Variants in KANSL1 observed in about 807,000 individuals in gnomAD.
KANSL1 encodes the protein MLL1/MLL complex subunit KANSL1.
KANSL1 carries 22 observed loss-of-function variants against 103.6 expected under a neutral mutation model. That is an observed-to-expected ratio of 0.21 (90% CI 0.15 to 0.30). KANSL1 has a LOEUF of 0.30. Among genes scored for constraint, KANSL1 ranks in the 10% least tolerant of loss-of-function variants. KANSL1 has a pLI of 1.00. For missense variants in KANSL1, 1,337 were observed against 1,399.8 expected, an observed-to-expected ratio of 0.96 and a Z score of 0.72; for synonymous variants, 600 against 527.6, an observed-to-expected ratio of 1.14 and a Z score of -1.88.
intron 2 of KANSL1, among the ~76,000 whole-genome samples, chr17:46,162,482 C>G (rs979742138): frequency 1.3e-5 from 2 of 152,252 alleles, no homozygotes; most frequent in African/African-American, 4.8e-5. Context: ...CCTACCTCAT[C>G]TGCTCCTTCT....
rs184009865 is a variant in KANSL1, at chr17:46,099,749, C to T, written c.1290-5048G>A. Reference sequence around the variant, plus strand: ...ATTTTACCGTGTGCTTTATCCTAGTCCATACAAAAACATGTACTATATATA... The same window carrying T: ...ATTTTACCGTGTGCTTTATCCTAGTTCATACAAAAACATGTACTATATATA... On this transcript the variant is annotated intron_variant, in intron 2 of 14. Transcript: ENST00000432791. Among the ~76,000 whole-genome samples, 18 of 152,286 alleles carry T rather than the reference C, an allele frequency of 1.2e-4. No individual in the cohort carries two copies. The East Asian group carries it at 3.3e-3, about 28-fold the overall frequency.
intron 6 of KANSL1, among the ~76,000 whole-genome samples, chr17:46,059,647 A>AGAGAGAGAGGGAG (rs149985527): frequency 1.6e-4 from 9 of 54,834 alleles, no homozygotes; most frequent in Non-Finnish European, 2.3e-4. Flanking sequence ...AAAAAAAAAA[A>AGAGAGAGAGGGAG]AGAGAGAGAG....
At chr17:46,038,232 T>G in intron 10 of KANSL1, 1 of 350,330 alleles carries the variant, frequency 2.9e-6, no homozygotes, top group East Asian at 5.0e-5. Context: ...TGTGTGAAAC[T>G]TAGTCCAACA....
At chr17:46,054,291 T>C (rs2077837269) in intron 6 of KANSL1, among the ~76,000 whole-genome samples, 1 of 152,182 alleles carries the variant, frequency 6.6e-6, no homozygotes, top group Non-Finnish European at 1.5e-5. Context: ...TGACCTCAGA[T>C]GATCCACCCG....
chr17:46,210,480 A>C (rs1452174761), intron 1 of KANSL1, among the ~76,000 whole-genome samples: 2 of 534 alleles, frequency 3.7e-3, no homozygotes, highest in East Asian at 0.5. Context: ...CTCAAAAAAA[A>C]AAAAAAAAAA....
At position 46,078,547 on chromosome 17, in the gene KANSL1, C is replaced by A. The variant is rs200582115; in HGVS notation, c.1533+3894G>T. On this transcript the variant is annotated intron_variant, in intron 4 of 14. Coordinates refer to ENST00000432791, the MANE Select transcript of KANSL1 (RefSeq NM_015443.4). ...CCTACTTGGCAGCCCTGAACTCCAT[C>A]CTCTGATAATATACAAACAAGCCCA... Among the ~76,000 whole-genome samples the A allele has an allele frequency of 1.5e-4, 23 of 149,214 alleles. No individual in the cohort carries two copies. In the East Asian group the frequency reaches 4.4e-3, roughly 29 times the overall value.
At chr17:46,119,603 G>A (rs373595757) in intron 2 of KANSL1, among the ~76,000 whole-genome samples, 1 of 152,252 alleles carries the variant, frequency 6.6e-6, no homozygotes, top group East Asian at 1.9e-4. Flanking sequence ...CACCACACCC[G>A]GCCCAGAGTC....
intron 2 of KANSL1, among the ~76,000 whole-genome samples, chr17:46,147,595 AAG>A (rs1424546947): frequency 6.7e-6 from 1 of 149,548 alleles, no homozygotes; most frequent in East Asian, 1.9e-4. Context: ...AAAAAAAAAA[AAG>A]AGAGCGAGAG....
At chr17:46,057,888 T>C (rs1354387395) in intron 6 of KANSL1, among the ~76,000 whole-genome samples, 6 of 152,316 alleles carry the variant, frequency 3.9e-5, no homozygotes, top group Admixed American at 2.6e-4. Flanking sequence ...AGCAGAGTAA[T>C]AGTGATCAGA....
chr17:46,219,459 C>T (rs1239802793), intron 1 of KANSL1, among the ~76,000 whole-genome samples: 2 of 152,202 alleles, frequency 1.3e-5, no homozygotes, highest in East Asian at 3.9e-4. Flanking sequence ...ACCTCCCAGG[C>T]TCGAGCCATC....
chr17:46,076,495 CAAAAA>C (rs36086421), intron 4 of KANSL1, among the ~76,000 whole-genome samples: 1 of 79,500 alleles, frequency 1.3e-5, no homozygotes, highest in Non-Finnish European at 2.4e-5. Flanking sequence ...GACTTCATCT[CAAAAA>C]AAAAAAAAAA....
chr17:46,200,038 T>TACACACACACACACACACACAC (rs143234563), intron 1 of KANSL1, among the ~76,000 whole-genome samples: 13 of 147,372 alleles, frequency 8.8e-5, no homozygotes, highest in African/African-American at 2.1e-4. Context: ...TCAATGAGTT[T>TACACACACACACACACACACAC]ACACACACAC....
In KANSL1 at chr17:46,171,677, C is replaced by A; in HGVS notation, c.467G>T (p.Gly156Val). Residue 156 changes from glycine (G) to valine (V), a missense_variant, in exon 2 of 15, where the codon GGG becomes GTG. By Grantham distance (109) the Gly-to-Val change is moderately radical. Around this residue, in one of 2 missense-constraint regions of KANSL1, gnomAD observed 557 missense variants for 476.4 expected, o/e 1.17. Coordinates refer to ENST00000432791, the MANE Select transcript of KANSL1 (RefSeq NM_015443.4). ...QTALPQAPVNGLAKKLTKSST... is the reference protein window; with the variant it reads ...QTALPQAPVNVLAKKLTKSST... ...ACTTTTAGTCAATTTCTTAGCCAAC[C>A]CATTTACAGGTGCTTGTGGCAGAGC... The A allele has an allele frequency of 1.3e-6, 2 of 1,552,564 alleles. No individual in the cohort carries two copies. The highest frequency in any genetic ancestry group is 1.7e-6 in the Non-Finnish European group (2 of 1,153,956).
intron 2 of KANSL1, among the ~76,000 whole-genome samples, chr17:46,153,920 T>A (rs956268478): frequency 1.3e-5 from 2 of 152,208 alleles, no homozygotes; most frequent in African/African-American, 4.8e-5. Context: ...GATGCCTCGA[T>A]ATGTAAGGGC....
chr17:46,044,836 A>G (rs939915252), intron 7 of KANSL1: 2 of 152,228 alleles, frequency 1.3e-5, no homozygotes, highest in African/African-American at 4.8e-5. Flanking sequence ...GTTGGTTGTT[A>G]TTCTAACAAA....
chr17:46,063,131 T>C (rs553569611), intron 6 of KANSL1, among the ~76,000 whole-genome samples: 1 of 152,346 alleles, frequency 6.6e-6, no homozygotes, highest in South Asian at 2.1e-4. Flanking sequence ...GTAGAGATCA[T>C]TTAAGATGCA....
intron 2 of KANSL1, among the ~76,000 whole-genome samples, chr17:46,155,155 A>ATTTTTTTTTTT (rs33974360): frequency 9.6e-6 from 1 of 103,854 alleles, no homozygotes; most frequent in South Asian, 2.9e-4. Flanking sequence ...TCAGCCAGGG[A>ATTTTTTTTTTT]TTTTTTTTTT....
At chr17:46,069,261 G>A (rs751971520) in intron 4 of KANSL1, among the ~76,000 whole-genome samples, 3 of 152,082 alleles carry the variant, frequency 2.0e-5, no homozygotes, top group African/African-American at 7.2e-5. Flanking sequence ...TCTGGGGCAC[G>A]CTGAAGTTCT....
intron 2 of KANSL1, among the ~76,000 whole-genome samples, chr17:46,166,187 C>A (rs1020449947): frequency 6.5e-5 from 9 of 139,528 alleles, no homozygotes; most frequent in Non-Finnish European, 1.1e-4. Context: ...TAACTCTAGC[C>A]TGGGCGACAG....
Sources: gnomAD v4.1 joint callset for allele counts (sites outside exome capture counted in the v4.1 genomes callset) on GRCh38, gnomAD v4.1.1 for gene constraint, gnomAD v4.1.1 regional missense constraint, MANE v1.5 for transcripts, NCBI Gene and HGNC (gene_info 2026-07-23, HGNC 2026-07-21) for gene names.